The following FGD1 variants were observed in gnomAD, a reference collection of about 807,000 sequenced individuals.
FGD1 encodes FYVE, RhoGEF and PH domain containing 1.
FGD1 carries 12 observed loss-of-function variants against 65.0 expected under a neutral mutation model. That is an observed-to-expected ratio of 0.18 (90% CI 0.12 to 0.30). The LOEUF (loss-of-function observed/expected upper bound fraction) is 0.30. Among genes scored for constraint, FGD1 ranks in the 10% least tolerant of loss-of-function variants. The pLI is 1.00. For synonymous variants in FGD1, 333 were observed against 343.9 expected, an observed-to-expected ratio of 0.97 and a Z score of 0.35; for missense variants, 542 against 837.6, an observed-to-expected ratio of 0.65 and a Z score of 4.36.
chrX:54,476,524 AT>A (rs765724343), intron 1 of FGD1, among the ~76,000 whole-genome samples: 3 of 108,488 alleles, frequency 2.8e-5, no homozygotes, highest in East Asian at 5.9e-4. Context: ...GCTATTTTTA[AT>A]TTTTTTTGTA....
At position 54,495,217 on chromosome X, in the gene FGD1, TG is replaced by T; in HGVS notation, c.215del (p.Pro72GlnfsTer52). On this transcript the variant is annotated frameshift_variant, in exon 1 of 18. Transcript: ENST00000375135. LOFTEE classifies it high-confidence loss of function. ...GACCGCAGGGCAAGACCCGGTGGCC[TG>T]GAGCAGCGCCCAGGCTGGTGTCCGA... is the stretch of plus-strand genomic sequence containing the variant. The part of the protein sequence containing the change: ...GPSDTSLGAA[P>X]GHRVLPCGPS... 8.4e-7 allele frequency: 1 copy of T among 1,190,833 alleles called. No individual in the cohort carries two copies. Among genetic ancestry groups the T allele is most frequent in the East Asian group, 3.1e-5 (1 of 32,664 alleles).
At chrX:54,461,292 C>T (rs999811245) in intron 8 of FGD1, among the ~76,000 whole-genome samples, 1 of 110,078 alleles carries the variant, frequency 9.1e-6, no homozygotes, top group African/African-American at 3.3e-5. Flanking sequence ...TGGGACTCTC[C>T]ATCTGGTAAA....
chrX:54,495,342 C>T lies in FGD1; in HGVS notation c.91G>A (p.Ala31Thr), dbSNP rs754647261. The change falls in exon 1 of 18, where the codon GCC (alanine) becomes ACC (threonine). Residue 31 changes from alanine (A) to threonine (T), a missense_variant. This residue lies in a region of FGD1 where 297 missense variants were observed against 326.8 expected (regional missense o/e 0.91). Transcript: ENST00000375135. ...NPPGAAPPAC[A>T]DSDPGASEPG... ...TCCGAGGCTCCAGGGTCCGAGTCGG[C>T]ACAGGCCGGCGGAGCGGCGCCCGGC... is the stretch of plus-strand genomic sequence containing the variant. The T allele has an allele frequency of 3.4e-6, 4 of 1,159,894 alleles. No individual in the cohort carries two copies. Among genetic ancestry groups the T allele is most frequent in the Admixed American group, 5.1e-5 (2 of 38,903 alleles).
At chrX:54,464,764 G>A (rs1359569160) in intron 8 of FGD1, among the ~76,000 whole-genome samples, 2 of 111,074 alleles carry the variant, frequency 1.8e-5, no homozygotes, top group Non-Finnish European at 3.8e-5. Context: ...TCAGCCTAGA[G>A]ATCCAAATTT....
At chrX:54,487,911 C>CT (rs1190992420) in intron 1 of FGD1, among the ~76,000 whole-genome samples, 1 of 109,705 alleles carries the variant, frequency 9.1e-6, no homozygotes, top group African/African-American at 3.3e-5. Flanking sequence ...GATCATGCCA[C>CT]TGCACTCCAG....
intron 12 of FGD1, among the ~76,000 whole-genome samples, chrX:54,453,316 C>T (rs1033075374): frequency 1.8e-5 from 2 of 111,894 alleles, no homozygotes; most frequent in Non-Finnish European, 3.8e-5. Context: ...TCTCTCTCTC[C>T]CACCTCCTTG....
rs371334650 is a variant in FGD1, at chrX:54,465,512, A to C, written c.1575T>G (p.Leu525=). The change falls in exon 8 of 18, where the codon CTT becomes CTG. Residue 525 remains leucine (L), a synonymous_variant. Transcript: ENST00000375135. The part of the protein sequence containing the change: ...EPVQRIPRYE[L]LLKDYLLKLP... ...GCTTTAACAGATAGTCCTTGAGAAG[A>C]AGCTCATAGCGGGGGATGCGCTGCA... is the stretch of plus-strand genomic sequence containing the variant. 9.9e-6 allele frequency: 12 copies of C among 1,208,405 alleles called. No individual in the cohort carries two copies. In the African/African-American group the frequency reaches 2.1e-4, roughly 21 times the overall value.
Position 54,470,012 on chromosome X carries a change from G to T in FGD1, c.1101+4C>A. ...CCTGCCTCTCGGTGAACACAGGTCA[G>T]TACCTCCACAGACTCCTGTCTCTCC... is the stretch of plus-strand genomic sequence containing the variant. On this transcript the variant is annotated splice_donor_region_variant and intron_variant, in intron 4 of 17. Coordinates refer to ENST00000375135, the MANE Select transcript of FGD1 (RefSeq NM_004463.3). 8.3e-7 allele frequency: 1 copy of T among 1,208,622 alleles called. No homozygotes were observed. Among genetic ancestry groups the T allele is most frequent in the Non-Finnish European group, 1.1e-6 (1 of 893,138 alleles).
In FGD1 at chrX:54,456,200, A is replaced by G. The variant is rs372455476; in HGVS notation, c.1842+20T>C. On this transcript the variant is annotated intron_variant, in intron 10 of 17. Transcript: ENST00000375135. ...TTGGGAGGGGCATGACCCACCCACAATTCCATGCCTGGCACTTACTAGTAT... is the reference window on the plus strand; with the variant it reads ...TTGGGAGGGGCATGACCCACCCACAGTTCCATGCCTGGCACTTACTAGTAT... 408 of 1,207,667 alleles carry G rather than the reference A, an allele frequency of 3.4e-4. No homozygotes were observed. In the African/African-American group the frequency reaches 6.1e-3, roughly 18 times the overall value.
intron 4 of FGD1, among the ~76,000 whole-genome samples, chrX:54,469,575 A>G (rs1386264335): frequency 8.9e-6 from 1 of 112,173 alleles, no homozygotes; most frequent in Non-Finnish European, 1.9e-5. Flanking sequence ...TGTGTTGACT[A>G]CCTGCCATGC....
At chrX:54,459,874 T>C (rs1161449018) in intron 8 of FGD1, among the ~76,000 whole-genome samples, 1 of 110,086 alleles carries the variant, frequency 9.1e-6, no homozygotes, top group African/African-American at 3.3e-5. Context: ...TTGGGATTGA[T>C]ACAAAACAGG....
chrX:54,452,620 C>T (rs1381728438), intron 12 of FGD1, among the ~76,000 whole-genome samples: 1 of 111,024 alleles, frequency 9.0e-6, no homozygotes, highest in Non-Finnish European at 1.9e-5. Flanking sequence ...GTGGCATGCA[C>T]ATGTAGTCCC....
At chrX:54,485,862 C>A (rs1278194098) in intron 1 of FGD1, among the ~76,000 whole-genome samples, 1 of 109,516 alleles carries the variant, frequency 9.1e-6, no homozygotes, top group African/African-American at 3.3e-5. Context: ...GCAACTTCCA[C>A]CTCCTGGGTT....
chrX:54,455,302 AC>A (rs1922472971), intron 12 of FGD1, 145 bp downstream of exon 12: 4 of 529,566 alleles, frequency 7.6e-6, no homozygotes, highest in Non-Finnish European at 1.4e-5. Context: ...CTTAGGGATC[AC>A]CCCCACCGCT....
chrX:54,453,953 T>A (rs959682022), intron 12 of FGD1, among the ~76,000 whole-genome samples: 4 of 112,233 alleles, frequency 3.6e-5, no homozygotes, highest in Non-Finnish European at 7.5e-5. Context: ...CATCCCATGC[T>A]ATTATTTTAA....
intron 16 of FGD1, among the ~76,000 whole-genome samples, chrX:54,447,711 A>C (rs893849848): frequency 3.6e-5 from 4 of 112,497 alleles, no homozygotes; most frequent in Non-Finnish European, 7.5e-5. Flanking sequence ...GATCTCAGGC[A>C]TTCTTTCTTC....
intron 12 of FGD1, among the ~76,000 whole-genome samples, chrX:54,451,673 C>A (rs942340745): frequency 6.5e-5 from 7 of 107,334 alleles, no homozygotes; most frequent in Admixed American, 6.0e-4. Flanking sequence ...GAGGCCGAGG[C>A]GGCTGGATCA....
At chrX:54,473,809 A>T (rs1418510679) in intron 1 of FGD1, among the ~76,000 whole-genome samples, 1 of 110,045 alleles carries the variant, frequency 9.1e-6, no homozygotes, top group African/African-American at 3.3e-5. Context: ...ACATGGCAAA[A>T]CTCTGTCTCT....
At chrX:54,461,491 C>T in intron 8 of FGD1, among the ~76,000 whole-genome samples, 1 of 102,944 alleles carries the variant, frequency 9.7e-6, no homozygotes, top group African/African-American at 3.5e-5. Context: ...ATCCCAGCTA[C>T]TTGGGAGGCT....
Sources: allele counts gnomAD v4.1 joint callset (sites outside exome capture counted in the v4.1 genomes callset), GRCh38; gene constraint gnomAD v4.1.1; regional missense constraint gnomAD v4.1.1; transcripts MANE v1.5; gene names NCBI Gene and HGNC (gene_info 2026-07-23, HGNC 2026-07-21).